Variants in ADARB2 observed in about 807,000 individuals in gnomAD.
ADARB2 encodes the protein inactive double-stranded RNA-specific editase B2.
In ADARB2, 25 loss-of-function variants were observed where a neutral mutation model predicts 62.2. That is an observed-to-expected ratio of 0.40 (90% CI 0.29 to 0.56). The LOEUF is 0.56. ADARB2 is among the 20% of genes least tolerant of loss of function. The pLI is 0.43. For synonymous variants in ADARB2, 572 were observed against 500.8 expected, an observed-to-expected ratio of 1.14 and a Z score of -1.90; for missense variants, 1,071 against 1,077.4, an observed-to-expected ratio of 0.99 and a Z score of 0.08.
At chr10:1,511,492 T>C (rs1831935451) in intron 1 of ADARB2, among the ~76,000 whole-genome samples, 1 of 151,534 alleles carries the variant, frequency 6.6e-6, no homozygotes, top group African/African-American at 2.4e-5. Flanking sequence ...GGGATTCCTG[T>C]GGAATGGGGG....
intron 3 of ADARB2, among the ~76,000 whole-genome samples, chr10:1,329,703 G>A (rs1031836605): frequency 6.6e-6 from 1 of 152,158 alleles, no homozygotes; most frequent in Non-Finnish European, 1.5e-5. Context: ...TCGATGGTGT[G>A]GGACAAACAA....
At chr10:1,531,641 A>C (rs937051497) in intron 1 of ADARB2, among the ~76,000 whole-genome samples, 8 of 152,164 alleles carry the variant, frequency 5.3e-5, no homozygotes, top group African/African-American at 1.9e-4. Flanking sequence ...GTTTGAGACC[A>C]TCCTGGCCAA....
chr10:1,625,284 C>T (rs769115592), intron 1 of ADARB2, among the ~76,000 whole-genome samples: 17 of 152,220 alleles, frequency 1.1e-4, no homozygotes, highest in Non-Finnish European at 2.2e-4. Context: ...GCCATCTTTA[C>T]ACTCCTTTAA....
At chr10:1,565,104 G>A (rs1832840789) in intron 1 of ADARB2, among the ~76,000 whole-genome samples, 1 of 152,204 alleles carries the variant, frequency 6.6e-6, no homozygotes, top group Admixed American at 6.5e-5. Context: ...TGATTACGCT[G>A]GCACCAGGTC....
chr10:1,319,140 T>C (rs144383797), intron 3 of ADARB2, among the ~76,000 whole-genome samples: 335 of 152,308 alleles, frequency 2.2e-3, no homozygotes, highest in Non-Finnish European at 4.1e-3. Flanking sequence ...ATGGGGCTGG[T>C]GTCTTAGGAA....
chr10:1,358,949 A>G (rs1237549781), intron 3 of ADARB2, among the ~76,000 whole-genome samples: 1 of 152,162 alleles, frequency 6.6e-6, no homozygotes, highest in African/African-American at 2.4e-5. Flanking sequence ...CTTTCTAAAT[A>G]GTTTTCACAG....
At chr10:1,687,441 A>G (rs1588352797) in intron 1 of ADARB2, among the ~76,000 whole-genome samples, 1 of 152,132 alleles carries the variant, frequency 6.6e-6, no homozygotes, top group South Asian at 2.1e-4. Flanking sequence ...GCATATTCTT[A>G]CACAGCTATC....
chr10:1,529,949 C>T (rs77812971), intron 1 of ADARB2, among the ~76,000 whole-genome samples: 7 of 19,468 alleles, frequency 3.6e-4, no homozygotes, highest in Admixed American at 8.6e-4. Flanking sequence ...CATTCACTGC[C>T]CCTGCCACTG....
At chr10:1,635,072 T>G (rs1401108193) in intron 1 of ADARB2, among the ~76,000 whole-genome samples, 1 of 152,242 alleles carries the variant, frequency 6.6e-6, no homozygotes, top group Non-Finnish European at 1.5e-5. Context: ...ATTTGTGAAA[T>G]TGAAAAGATT....
chr10:1,554,346 G>A (rs1832671266), intron 1 of ADARB2, among the ~76,000 whole-genome samples: 1 of 152,186 alleles, frequency 6.6e-6, no homozygotes, highest in South Asian at 2.1e-4. Flanking sequence ...ATTCCCTCTG[G>A]TTTAAACGCA....
chr10:1,349,335 T>C (rs536147288), intron 3 of ADARB2, among the ~76,000 whole-genome samples: 19 of 152,146 alleles, frequency 1.2e-4, no homozygotes, highest in African/African-American at 4.1e-4. Flanking sequence ...CTTTTTGGAC[T>C]CAGCCCGCCT....
intron 6 of ADARB2, among the ~76,000 whole-genome samples, chr10:1,220,841 G>A (rs998305914): frequency 1.3e-5 from 2 of 152,180 alleles, no homozygotes; most frequent in African/African-American, 4.8e-5. Context: ...TGACAACAGG[G>A]AGGCCCTGCT....
At position 1,398,669 on chromosome 10, in the gene ADARB2, T is replaced by TAA. The variant is rs998098353; in HGVS notation, c.101-19511_101-19510dup. Among the ~76,000 whole-genome samples, 1 of 152,210 alleles carries TAA rather than the reference T, an allele frequency of 6.6e-6. No homozygotes were observed. Among genetic ancestry groups the TAA allele is most frequent in the Non-Finnish European group, 1.5e-5 (1 of 68,030 alleles). On this transcript the variant is annotated intron_variant, in intron 1 of 9. Coordinates refer to ENST00000381312, the MANE Select transcript of ADARB2 (RefSeq NM_018702.4). The surrounding 1 kb of genome is among the most constrained non-coding windows in gnomAD (Gnocchi z 4.1). ...CTAAGGAACAATTGATCAATATAAA[T>TAA]AAAGTTTTAACGGTGGAATTTCAGG...
chr10:1,253,240 T>C (rs1413122039), intron 4 of ADARB2, among the ~76,000 whole-genome samples: 1 of 152,264 alleles, frequency 6.6e-6, no homozygotes, highest in East Asian at 1.9e-4. Flanking sequence ...TCATATTTGT[T>C]TTTCCATCTG....
At chr10:1,360,773 G>A (rs1832245898) in intron 3 of ADARB2, among the ~76,000 whole-genome samples, 1 of 152,174 alleles carries the variant, frequency 6.6e-6, no homozygotes, top group Non-Finnish European at 1.5e-5. Flanking sequence ...GGGTGGTTAG[G>A]GACTGTCAGA....
Position 1,484,344 on chromosome 10 carries a change from C to T in ADARB2, c.101-105184G>A, listed in dbSNP as rs1831516002. Among the ~76,000 whole-genome samples the T allele has an allele frequency of 2.0e-5, 3 of 152,318 alleles. No individual in the cohort carries two copies. In the South Asian group the frequency reaches 6.2e-4, roughly 32 times the overall value. On this transcript the variant is annotated intron_variant, in intron 1 of 9. Transcript: ENST00000381312. ...CATGCACCCTCACGTTAAACACTCG[C>T]GTGTGAGAAACTGAGAAGGAGAAGT...
chr10:1,301,289 T>C (rs1475159903), intron 3 of ADARB2, among the ~76,000 whole-genome samples: 2 of 151,026 alleles, frequency 1.3e-5, no homozygotes, highest in Non-Finnish European at 2.9e-5. Flanking sequence ...ACTTAACTGC[T>C]GAATGTTCAT....
At position 1,398,569 on chromosome 10, in the gene ADARB2, C is replaced by G. The variant is rs1832635513; in HGVS notation, c.101-19409G>C. Among the ~76,000 whole-genome samples, 1 of 152,228 alleles carries G rather than the reference C, an allele frequency of 6.6e-6. No homozygotes were observed. Among genetic ancestry groups the G allele is most frequent in the South Asian group, 2.1e-4 (1 of 4,832 alleles). On this transcript the variant is annotated intron_variant, in intron 1 of 9. Coordinates refer to ENST00000381312, the MANE Select transcript of ADARB2 (RefSeq NM_018702.4). The surrounding 1 kb of genome is among the most constrained non-coding windows in gnomAD (Gnocchi z 4.1). ...CTGTTTTTCCTAAAACTGTCAGAAC[C>G]CAGTTCTGGTGCGGAGGTAAGACAA...
intron 1 of ADARB2, among the ~76,000 whole-genome samples, chr10:1,541,022 G>C (rs1192491532): frequency 2.0e-4 from 13 of 64,450 alleles, no homozygotes; most frequent in Non-Finnish European, 3.5e-4. Flanking sequence ...CAGCCGTCCA[G>C]ACCCCACTCA....
Sources: allele counts gnomAD v4.1 joint callset (sites outside exome capture counted in the v4.1 genomes callset), GRCh38; gene constraint gnomAD v4.1.1; non-coding constraint Gnocchi (gnomAD v3.1); transcripts MANE v1.5; gene names NCBI Gene and HGNC (gene_info 2026-07-23, HGNC 2026-07-21).